Variants in DGUOK observed in about 807,000 individuals in gnomAD.
The protein encoded by DGUOK is deoxyguanosine kinase, mitochondrial.
A neutral mutation model predicts 36.6 loss-of-function variants in DGUOK; 30 were observed. The observed-to-expected ratio is 0.82, with a 90% CI of 0.61 to 1.11. The LOEUF (loss-of-function observed/expected upper bound fraction) is 1.11, where lower values mean the gene tolerates loss of function less well. Among genes scored for constraint, DGUOK ranks in the 50% most tolerant of loss-of-function variants. The pLI is 0.00. For synonymous variants in DGUOK, 145 were observed against 126.3 expected (o/e 1.15, Z -0.99); for missense variants, 361 against 336.4 (o/e 1.07, Z -0.57).
Position 73,946,776 on chromosome 2 carries a change from C to T in DGUOK, c.313C>T (p.Arg105Ter), listed in dbSNP as rs104893630. 42 of 1,614,104 alleles carry T rather than the reference C, an allele frequency of 2.6e-5. No individual in the cohort carries two copies. Among genetic ancestry groups the T allele is most frequent in the Non-Finnish European group, 3.4e-5 (40 of 1,180,014 alleles). The change falls in exon 3 of 7, where the codon CGA (arginine) becomes TGA (stop). Residue 105 changes from arginine to a stop codon, truncating the protein, a stop_gained. Coordinates refer to ENST00000264093, the MANE Select transcript of DGUOK (RefSeq NM_080916.3). LOFTEE classifies it high-confidence loss of function. ...GGATATGATGTACCGGGAGCCAGCA[C>T]GATGGTCCTACACATTCCAGACATT... is the stretch of plus-strand genomic sequence containing the variant. ...LLDMMYREPA[R>*]WSYTFQTFSF...
At chr2:73,956,184 A>C (rs981288074) in intron 4 of DGUOK, among the ~76,000 whole-genome samples, 1 of 152,204 alleles carries the variant, frequency 6.6e-6, no homozygotes, top group African/African-American at 2.4e-5. Flanking sequence ...TCACTACCAG[A>C]TGAATGCAGA....
At chr2:73,949,249 G>A (rs919029500) in intron 3 of DGUOK, among the ~76,000 whole-genome samples, 1 of 152,174 alleles carries the variant, frequency 6.6e-6, no homozygotes, top group Admixed American at 6.5e-5. Flanking sequence ...ACAGTGCGTG[G>A]CCACTTTATA....
chr2:73,927,192 C>T (rs1029994522), intron 1 of DGUOK, 140 bp downstream of exon 1: 39 of 1,160,418 alleles, frequency 3.4e-5, no homozygotes, highest in Non-Finnish European at 4.5e-5. Flanking sequence ...CCTTTCCCCT[C>T]GCAAAGTGCA....
Position 73,958,196 on chromosome 2 carries a change from A to T in DGUOK, c.758A>T (p.Asn253Ile). 1.2e-6 allele frequency: 2 copies of T among 1,613,848 alleles called. No homozygotes were observed. Among genetic ancestry groups the T allele is most frequent in the Non-Finnish European group, 1.7e-6 (2 of 1,179,806 alleles). Residue 253 changes from asparagine (N) to isoleucine (I), a missense_variant, in exon 6 of 7, where the codon AAT becomes ATT. By Grantham distance (149) the Asn-to-Ile change is moderately radical (BLOSUM62 -3). Coordinates refer to ENST00000264093, the MANE Select transcript of DGUOK (RefSeq NM_080916.3). ...MNIPVLVLDV[N>I]DDFSEEVTKQ... ...ATTCCAGTGCTGGTGTTGGATGTCA[A>T]TGATGATTTTTCTGAGGAAGTAACC...
intron 1 of DGUOK, among the ~76,000 whole-genome samples, chr2:73,927,354 G>A (rs1389563647): frequency 6.6e-6 from 1 of 152,182 alleles, no homozygotes; most frequent in African/African-American, 2.4e-5. Flanking sequence ...AGCGACAAGC[G>A]GGTGCAGTTT....
At chr2:73,928,098 A>G (rs1680743110) in intron 1 of DGUOK, among the ~76,000 whole-genome samples, 1 of 152,186 alleles carries the variant, frequency 6.6e-6, no homozygotes, top group Admixed American at 6.5e-5. Context: ...ATGATGGAGA[A>G]AAATTAGGGA....
intron 2 of DGUOK, among the ~76,000 whole-genome samples, chr2:73,943,683 C>T (rs1463338941): frequency 6.7e-6 from 1 of 149,984 alleles, no homozygotes; most frequent in African/African-American, 2.5e-5. Flanking sequence ...GAGTTTTGCT[C>T]CTGTTGCCCA....
Position 73,926,946 on chromosome 2 carries a change from A to C in DGUOK, c.36A>C (p.Arg12=), listed in dbSNP as rs1442447487. The change falls in exon 1 of 7, where the codon CGA becomes CGC. Residue 12 remains arginine (R), a synonymous_variant. Coordinates refer to ENST00000264093, the MANE Select transcript of DGUOK (RefSeq NM_080916.3). Reference sequence around the variant, plus strand: ...GCCGCCTCTTTCTAAGTCGGCTTCGAGCACCCTTCAGTTCCATGGCCAAGA... The same window carrying C: ...GCCGCCTCTTTCTAAGTCGGCTTCGCGCACCCTTCAGTTCCATGGCCAAGA... ...AAGRLFLSRL[R]APFSSMAKSP... The C allele has an allele frequency of 6.2e-7, 1 of 1,613,454 alleles. No individual in the cohort carries two copies. The highest frequency in any genetic ancestry group is 1.7e-5 in the Admixed American group (1 of 60,026).
chr2:73,934,562 GGCCAACATGGCGAAACCCTGTCTCT>G (rs1370733489), intron 1 of DGUOK, among the ~76,000 whole-genome samples: 20 of 152,128 alleles, frequency 1.3e-4, no homozygotes, highest in Admixed American at 2.6e-4. Context: ...AGACCAGCCT[GGCCAACATGGCGAAACCCTGTCTCT>G]ACTAAAAATA....
chr2:73,954,736 A>G (rs2104986305), intron 4 of DGUOK, among the ~76,000 whole-genome samples: 1 of 152,214 alleles, frequency 6.6e-6, no homozygotes, highest in East Asian at 1.9e-4. Flanking sequence ...GAAAAGACCC[A>G]CTAGCAGTCA....
chr2:73,927,810 T>G (rs1293684632), intron 1 of DGUOK, among the ~76,000 whole-genome samples: 1 of 152,272 alleles, frequency 6.6e-6, no homozygotes, highest in Non-Finnish European at 1.5e-5. Context: ...AAATTCTGAC[T>G]TGATACTTTT....
At chr2:73,949,389 G>T (rs1682553026) in intron 3 of DGUOK, among the ~76,000 whole-genome samples, 1 of 152,202 alleles carries the variant, frequency 6.6e-6, no homozygotes, top group African/African-American at 2.4e-5. Flanking sequence ...AAGTTTACTT[G>T]TGGAGTTTCT....
chr2:73,937,838 C>T (rs1048322767), intron 1 of DGUOK, among the ~76,000 whole-genome samples: 2 of 152,164 alleles, frequency 1.3e-5, no homozygotes, highest in African/African-American at 2.4e-5. Flanking sequence ...CTCGAAACAA[C>T]CACTACTTTT....
chr2:73,945,302 C>T (rs534782769), intron 2 of DGUOK, among the ~76,000 whole-genome samples: 62 of 152,306 alleles, frequency 4.1e-4, no homozygotes, highest in African/African-American at 1.4e-3. Context: ...CATGTTCTGC[C>T]TTACATTCCA....
intron 2 of DGUOK, 142 bp downstream of exon 2, chr2:73,939,164 A>G (rs963785263): frequency 2.9e-6 from 2 of 684,680 alleles, no homozygotes; most frequent in Non-Finnish European, 5.4e-6. Flanking sequence ...CAGACCACAT[A>G]CACCAGAGAG....
At chr2:73,946,374 T>G (rs1280108691) in intron 2 of DGUOK, among the ~76,000 whole-genome samples, 1 of 152,216 alleles carries the variant, frequency 6.6e-6, no homozygotes, top group Non-Finnish European at 1.5e-5. Context: ...TTTAGATGGT[T>G]GTTGACTGTT....
intron 4 of DGUOK, among the ~76,000 whole-genome samples, chr2:73,954,482 C>T (rs1178768457): frequency 6.6e-6 from 1 of 152,066 alleles, no homozygotes; most frequent in African/African-American, 2.4e-5. Flanking sequence ...CGAGCATGGT[C>T]AACATAGGGA....
intron 1 of DGUOK, among the ~76,000 whole-genome samples, chr2:73,937,820 A>G (rs1246081676): frequency 1.3e-5 from 2 of 152,188 alleles, no homozygotes; most frequent in African/African-American, 4.8e-5. Flanking sequence ...TTCATCTCCA[A>G]AATATTTCTC....
intron 4 of DGUOK, among the ~76,000 whole-genome samples, chr2:73,954,769 T>G (rs1558666100): frequency 6.6e-6 from 1 of 152,066 alleles, no homozygotes; most frequent in African/African-American, 2.4e-5. Context: ...TGTTTCTGAC[T>G]CCAAGCAAGC....
Sources: allele counts gnomAD v4.1 joint callset (sites outside exome capture counted in the v4.1 genomes callset), GRCh38; gene constraint gnomAD v4.1.1; transcripts MANE v1.5; gene names NCBI Gene and HGNC (gene_info 2026-07-23, HGNC 2026-07-21).